The following TEX11 variants were observed in gnomAD, a reference collection of about 807,000 sequenced individuals.
TEX11 encodes testis-expressed protein 11.
A neutral mutation model predicts 84.4 loss-of-function variants in TEX11; 7 were observed. The observed-to-expected ratio is 0.08, with a 90% CI of 0.05 to 0.16. The LOEUF (loss-of-function observed/expected upper bound fraction) is 0.16, where lower values mean the gene tolerates loss of function less well. Ranked by LOEUF, TEX11 falls within the 10% of genes least tolerant of loss-of-function variation. TEX11 has a pLI of 1.00. For synonymous variants in TEX11, 264 were observed against 222.8 expected (o/e 1.18, Z -1.64); for missense variants, 551 against 660.5 (o/e 0.83, Z 1.82).
At chrX:70,836,409 G>A (rs1004339932) in intron 7 of TEX11, among the ~76,000 whole-genome samples, 6 of 111,372 alleles carry the variant, frequency 5.4e-5, no homozygotes, top group Non-Finnish European at 3.8e-5. Flanking sequence ...CAATATTCGC[G>A]AATATTTATC....
intron 9 of TEX11, among the ~76,000 whole-genome samples, chrX:70,761,674 G>A (rs1423360128): frequency 1.8e-5 from 2 of 111,916 alleles, no homozygotes; most frequent in Non-Finnish European, 3.8e-5. Flanking sequence ...GTATACCTAT[G>A]TAACAAACCT....
At chrX:70,619,661 A>G (rs1321614499) in intron 20 of TEX11, among the ~76,000 whole-genome samples, 1 of 111,983 alleles carries the variant, frequency 8.9e-6, no homozygotes, top group Non-Finnish European at 1.9e-5. Flanking sequence ...GAAGCCATAT[A>G]TTGTGGAGAC....
chrX:70,686,142 G>T (rs917363948), intron 13 of TEX11, among the ~76,000 whole-genome samples: 1 of 111,302 alleles, frequency 9.0e-6, no homozygotes, highest in Non-Finnish European at 1.9e-5. Flanking sequence ...ATTCTTCAAG[G>T]ATCTAAAATC....
the TEX11 span, among the ~76,000 whole-genome samples, chrX:70,521,861 A>T: frequency 9.0e-6 from 1 of 110,541 alleles, no homozygotes; most frequent in African/African-American, 3.3e-5. Context: ...ATATGACTTA[A>T]AATTTTTTTT....
chrX:70,817,124 G>T (rs773972137), intron 8 of TEX11, among the ~76,000 whole-genome samples: 2 of 35,065 alleles, frequency 5.7e-5, no homozygotes, highest in East Asian at 0.017. Context: ...GATGATAGAA[G>T]ATAGATAGAT....
At chrX:70,773,084 G>A (rs2090981182) in intron 9 of TEX11, among the ~76,000 whole-genome samples, 2 of 110,987 alleles carry the variant, frequency 1.8e-5, no homozygotes, top group South Asian at 3.8e-4. Context: ...TATAGAAAGA[G>A]AAAGGGTCAG....
At chrX:70,851,375 G>A (rs1305289751) in intron 7 of TEX11, among the ~76,000 whole-genome samples, 1 of 111,419 alleles carries the variant, frequency 9.0e-6, no homozygotes, top group Non-Finnish European at 1.9e-5. Context: ...AATGGTACTG[G>A]GACAATTGAA....
chrX:70,577,879 C>G (rs985578166), intron 25 of TEX11, among the ~76,000 whole-genome samples: 1 of 110,364 alleles, frequency 9.1e-6, no homozygotes, highest in Non-Finnish European at 1.9e-5. Context: ...AGGTACCCAC[C>G]ACCACGCCAA....
chrX:70,831,339 C>A (rs965568327), intron 8 of TEX11, among the ~76,000 whole-genome samples: 16 of 111,304 alleles, frequency 1.4e-4, no homozygotes, highest in African/African-American at 4.6e-4. Context: ...TCAAAGGGTA[C>A]AAAGTGTCCA....
At chrX:70,607,589 A>C (rs1389858092) in intron 22 of TEX11, among the ~76,000 whole-genome samples, 2 of 111,481 alleles carry the variant, frequency 1.8e-5, no homozygotes, top group Non-Finnish European at 3.8e-5. Flanking sequence ...AAAAAAAAAA[A>C]AATTCTTAAT....
chrX:70,801,625 T>TTTTCTTTC (rs200925505), intron 9 of TEX11, among the ~76,000 whole-genome samples: 136 of 88,751 alleles, frequency 1.5e-3, no homozygotes, highest in Non-Finnish European at 2.1e-3. Context: ...TTTTCTTTTA[T>TTTTCTTTC]TTTCTTTCTT....
intron 9 of TEX11, among the ~76,000 whole-genome samples, chrX:70,780,377 G>A (rs903997845): frequency 2.7e-5 from 3 of 112,768 alleles, no homozygotes; most frequent in South Asian, 3.6e-4. Flanking sequence ...GCTCTGCAGC[G>A]CCCAGCGTGA....
Position 70,751,637 on chromosome X carries a change from C to CA in TEX11, c.693-7419dup, listed in dbSNP as rs752785948. Among the ~76,000 whole-genome samples, 102 of 107,626 alleles carry CA rather than the reference C, an allele frequency of 9.5e-4. 1 individual carries two copies. The highest frequency in any genetic ancestry group is 4.8e-3 in the Middle Eastern group (1 of 209). 93.5% of individuals were successfully genotyped at this position (107,626 alleles called of 115,157 possible). ...ACCCTAAAACTTAAAGTATAATAAA[C>CA]AAAAAAAAGAAAAAAAAATCTGTGA... On this transcript the variant is annotated intron_variant, in intron 9 of 29. Coordinates refer to ENST00000374333, the MANE Select transcript of TEX11 (RefSeq NM_031276.3).
chrX:70,754,736 G>GGAGAGA lies in TEX11; in HGVS notation c.693-10523_693-10518dup, dbSNP rs747585067. Among the ~76,000 whole-genome samples the GGAGAGA allele has an allele frequency of 5.5e-5, 6 of 108,750 alleles. 1 individual carries two copies. Among genetic ancestry groups the GGAGAGA allele is most frequent in the Non-Finnish European group, 7.7e-5 (4 of 52,238 alleles). The allele number at this position is 108,750 out of a possible 115,157, so 94.4% of individuals were successfully genotyped here. ...TAAACCCCAAGTTTCAGGTAGCTCAGGAGAGAGAGAGAGAGAGAAAGAGAG... is the reference window on the plus strand; with the variant it reads ...TAAACCCCAAGTTTCAGGTAGCTCAGGAGAGAGAGAGAGAGAGAGAGAGAAAGAGAG... On this transcript the variant is annotated intron_variant, in intron 9 of 29. Coordinates refer to ENST00000374333, the MANE Select transcript of TEX11 (RefSeq NM_031276.3).
chrX:70,546,176 G>A (rs62608008), intron 28 of TEX11, among the ~76,000 whole-genome samples: 8,973 of 111,663 alleles, frequency 0.08, 340 homozygotes, highest in Non-Finnish European at 0.12. Flanking sequence ...AACAGCAGAG[G>A]AGTGATATTA....
At chrX:70,543,819 G>A (rs1221242816) in intron 28 of TEX11, among the ~76,000 whole-genome samples, 3 of 111,704 alleles carry the variant, frequency 2.7e-5, no homozygotes, top group African/African-American at 9.8e-5. Flanking sequence ...TCGTCATTGT[G>A]TGAATATCAT....
chrX:70,517,124 C>G, the TEX11 span, among the ~76,000 whole-genome samples: 49 of 111,164 alleles, frequency 4.4e-4, no homozygotes, highest in African/African-American at 1.5e-3. Flanking sequence ...TCTTTCTCTT[C>G]CCTGATTGCC....
In TEX11 at chrX:70,833,612, G is replaced by A; in HGVS notation, c.526-19C>T. 1 of 1,144,919 alleles carries A rather than the reference G, an allele frequency of 8.7e-7. No homozygotes were observed. Among genetic ancestry groups the A allele is most frequent in the Non-Finnish European group, 1.2e-6 (1 of 840,945 alleles). 94.4% of individuals were successfully genotyped at this position (1,144,919 alleles called of 1,213,427 possible). On this transcript the variant is annotated intron_variant, in intron 7 of 29. Coordinates refer to ENST00000374333, the MANE Select transcript of TEX11 (RefSeq NM_031276.3). ...CAACTGCCTGAAAAAGATAAAGAAT[G>A]TCAATAATTGGTTAAAATGACAAGG...
intron 13 of TEX11, among the ~76,000 whole-genome samples, chrX:70,718,217 T>C (rs374991833): frequency 8.9e-6 from 1 of 112,413 alleles, no homozygotes. Flanking sequence ...TTTCTTCAAT[T>C]TGTAGTTCTT....
Sources: allele counts gnomAD v4.1 joint callset (sites outside exome capture counted in the v4.1 genomes callset), GRCh38; gene constraint gnomAD v4.1.1; transcripts MANE v1.5; gene names NCBI Gene and HGNC (gene_info 2026-07-23, HGNC 2026-07-21).